AP4M1: variants seen among roughly 807,000 people sequenced by gnomAD.
The protein encoded by AP4M1 is adaptor related protein complex 4 subunit mu 1.
A neutral mutation model predicts 62.4 loss-of-function variants in AP4M1; 58 were observed. That is an observed-to-expected ratio of 0.93 (90% confidence interval 0.75 to 1.16). AP4M1 has a LOEUF of 1.16. AP4M1 is among the 50% of genes most tolerant of loss of function. The probability of loss-of-function intolerance (pLI) is 0.00; values close to 1 mark genes in which losing one functional copy is unlikely to be tolerated. For synonymous variants in AP4M1, 290 were observed against 239.7 expected (o/e 1.21, Z -1.94); for missense variants, 626 against 585.4 (o/e 1.07, Z -0.72).
At position 100,105,988 on chromosome 7, in the gene AP4M1, A is replaced by T; in HGVS notation, c.959A>T (p.Asp320Val). The T allele has an allele frequency of 6.2e-7, 1 of 1,614,066 alleles. No individual in the cohort carries two copies. Among genetic ancestry groups the T allele is most frequent in the South Asian group, 1.1e-5 (1 of 91,076 alleles). ...RLQVYLKLRC[D>V]LLSKSQALNV... ...CAGGTTTATCTAAAGTTGCGATGTGACCTGCTCTCAAAGAGGTAAGAGTGA... is the reference window on the plus strand; with the variant it reads ...CAGGTTTATCTAAAGTTGCGATGTGTCCTGCTCTCAAAGAGGTAAGAGTGA... The change falls in exon 12 of 15, where the codon GAC becomes GTC. Residue 320 changes from aspartate to valine, a missense_variant. Asp to Val is a radical substitution (Grantham distance 152). Transcript: ENST00000359593.
Position 100,107,674 on chromosome 7 carries a change from C to G in AP4M1, c.*792C>G, listed in dbSNP as rs763657555. 3.8e-6 allele frequency: 6 copies of G among 1,591,218 alleles called. No homozygotes were observed. Among genetic ancestry groups the G allele is most frequent in the Non-Finnish European group, 8.5e-7 (1 of 1,170,660 alleles). The stretch of plus-strand genomic sequence containing the variant: ...CTTGCCCTGTGCCCTCCCTGCCCCC[C>G]AGAGGCCTGGCGAGGACGCTTCACT... On this transcript the variant is annotated 3_prime_UTR_variant, in exon 15 of 15. Transcript: ENST00000359593.
Position 100,106,715 on chromosome 7 carries a change from C to A in AP4M1, c.1195C>A (p.Pro399Thr), listed in dbSNP as rs773269627. The change falls in exon 15 of 15, where the codon CCT becomes ACT. Residue 399 changes from proline (P) to threonine (T), a missense_variant. Pro to Thr is a conservative substitution (Grantham distance 38). Transcript: ENST00000359593. Reference protein sequence around the residue: ...PSHGLSTSASPLGLGPASLSF... With the variant: ...PSHGLSTSASTLGLGPASLSF... ...CCATGGGCTCTCCACCTCGGCCTCT[C>A]CTCTGGGGCTGGGCCCTGCCAGTCT... is the stretch of plus-strand genomic sequence containing the variant. The A allele has an allele frequency of 6.2e-7, 1 of 1,613,800 alleles. No individual in the cohort carries two copies. Among genetic ancestry groups the A allele is most frequent in the South Asian group, 1.1e-5 (1 of 91,088 alleles).
rs756663556 is a variant in AP4M1 at position 100,102,784 on chromosome 7, G to A, written c.254+3G>A. ...AGCCTCCTAGAACTGCTCTCCAGGTGAGGAGGGTTGGGCTGGGCACCTGGT... is the reference window on the plus strand; with the variant it reads ...AGCCTCCTAGAACTGCTCTCCAGGTAAGGAGGGTTGGGCTGGGCACCTGGT... On this transcript the variant is annotated splice_donor_region_variant and intron_variant, in intron 3 of 14. Transcript: ENST00000359593. 3.7e-6 allele frequency: 6 copies of A among 1,613,670 alleles called. No individual in the cohort carries two copies. The highest frequency in any genetic ancestry group is 1.3e-5 in the African/African-American group (1 of 74,910).
At position 100,101,653 on chromosome 7, in the gene AP4M1, G is replaced by T; in HGVS notation, c.-62G>T. On this transcript the variant is annotated 5_prime_UTR_variant, in exon 1 of 15. Transcript: ENST00000359593. ...CAGCGCACACGCGTTCTTTTGTTCCGGGGCCGCAGGGCGGGGCAGGCCCGA... is the reference window on the plus strand; with the variant it reads ...CAGCGCACACGCGTTCTTTTGTTCCTGGGCCGCAGGGCGGGGCAGGCCCGA... 1 of 1,506,404 alleles carries T rather than the reference G, an allele frequency of 6.6e-7. No individual in the cohort carries two copies. The highest frequency in any genetic ancestry group is 9.2e-7 in the Non-Finnish European group (1 of 1,083,626). 93.3% of individuals were successfully genotyped at this position (1,506,404 alleles called of 1,614,324 possible). A position where few individuals can be genotyped will look rare whatever the true frequency, so the allele number is the denominator to read the frequency against.
chr7:100,102,817 AG>A (rs780812001), intron 3 of AP4M1, 36 bp downstream of exon 3: 1 of 1,613,148 alleles, frequency 6.2e-7, no homozygotes, highest in South Asian at 1.1e-5. Flanking sequence ...GGTAGCTAGG[AG>A]GGGTCTGAGA....
rs1562917729 is a variant in AP4M1 at position 100,107,596 on chromosome 7, C to CG, written c.*719dup. 6.2e-7 allele frequency: 1 copy of CG among 1,613,212 alleles called. No individual in the cohort carries two copies. The highest frequency in any genetic ancestry group is 8.5e-7 in the Non-Finnish European group (1 of 1,179,830). Reference sequence around the variant, plus strand: ...GGCGAAGTGGTGGTGGAACCTGAGCCGGGGGCCGAGGTGCTGAGGGACAGG... The same window carrying CG: ...GGCGAAGTGGTGGTGGAACCTGAGCCGGGGGGCCGAGGTGCTGAGGGACAGG... On this transcript the variant is annotated 3_prime_UTR_variant, in exon 15 of 15. Coordinates refer to ENST00000359593, the MANE Select transcript of AP4M1 (RefSeq NM_004722.4).
rs368669160 is a variant in AP4M1, at chr7:100,106,226, C to T, written c.975-15C>T. On this transcript the variant is annotated splice_polypyrimidine_tract_variant and intron_variant, in intron 12 of 14. Transcript: ENST00000359593. ...TGCCTTCCTGGGGCTGACTTTGTTC[C>T]CGTCTCCTCTGTAGCCAAGCCCTCA... The T allele has an allele frequency of 1.4e-5, 22 of 1,613,968 alleles. 1 individual carries two copies. The highest frequency in any genetic ancestry group is 1.5e-5 in the Non-Finnish European group (18 of 1,180,016).
upstream of AP4M1, chr7:100,101,076 C>T: frequency 4.0e-6 from 3 of 750,156 alleles, no homozygotes; most frequent in South Asian, 3.6e-5. Context: ...TTTTCTTCAA[C>T]ATCGATGGCC....
intron 2 of AP4M1, 139 bp downstream of exon 2, chr7:100,102,107 G>C: frequency 1.0e-6 from 1 of 980,630 alleles, no homozygotes; most frequent in Non-Finnish European, 1.6e-6. Context: ...GAGGCCCGGC[G>C]CGGTGGCTCA....
At chr7:100,102,425 G>T in intron 2 of AP4M1, 1 of 438,864 alleles carries the variant, frequency 2.3e-6, no homozygotes, top group Non-Finnish European at 3.9e-6. Context: ...AAAAAAAAGA[G>T]TCAATGGGCG....
rs750012862 is a variant in AP4M1 at position 100,105,539 on chromosome 7, G to A, written c.929G>A (p.Arg310Gln). The A allele has an allele frequency of 8.7e-6, 14 of 1,612,158 alleles. No homozygotes were observed. In the East Asian group the frequency reaches 1.6e-4, roughly 18 times the overall value. Residue 310 changes from arginine to glutamine, a missense_variant and splice_region_variant, in exon 11 of 15, where the codon CGG becomes CAG. Physicochemically the swap from Arg to Gln is conservative, Grantham distance 43. Transcript: ENST00000359593. ...GTGCAGTGGGACCGAGGCTCAGGCC[G>A]GTGAGACAATTTCCTGGGTTCTAGA... Reference protein sequence around the residue: ...PSVQWDRGSGRLQVYLKLRCD... With the variant: ...PSVQWDRGSGQLQVYLKLRCD...
intron 2 of AP4M1, 107 bp from the exon 3 acceptor site, chr7:100,102,568 C>A: frequency 1.1e-6 from 1 of 915,022 alleles, no homozygotes; most frequent in Non-Finnish European, 1.8e-6. Flanking sequence ...AAAGGCACTG[C>A]TGTTGTGACT....
rs1284764577 is a variant in AP4M1 at position 100,103,523 on chromosome 7, A to G, written c.462+4A>G. ...TGACCTCAGCAGCGTTGGCTTGGTC[A>G]GTAGAGGGAAAGAGGAGGGTGAGGA... On this transcript the variant is annotated splice_donor_region_variant and intron_variant, in intron 5 of 14. Transcript: ENST00000359593. 1 of 1,613,994 alleles carries G rather than the reference A, an allele frequency of 6.2e-7. No homozygotes were observed. The highest frequency in any genetic ancestry group is 1.7e-5 in the Admixed American group (1 of 59,994).
rs776084375 is a variant in AP4M1, at chr7:100,102,891, T to C, written c.282T>C (p.Cys94=). The change falls in exon 4 of 15, where the codon TGT becomes TGC. Residue 94 remains cysteine, a synonymous_variant. Coordinates refer to ENST00000359593, the MANE Select transcript of AP4M1 (RefSeq NM_004722.4). The part of the protein sequence containing the change: ...SRLATLLGDY[C]GSLGEGTISR... ...TGGCCACCCTTCTGGGCGATTACTG[T>C]GGCTCCCTGGGCGAGGGGACCATCT... 6.2e-7 allele frequency: 1 copy of C among 1,614,110 alleles called. No homozygotes were observed. Among genetic ancestry groups the C allele is most frequent in the South Asian group, 1.1e-5 (1 of 91,082 alleles).
At position 100,107,933 on chromosome 7, in the gene AP4M1, G is replaced by A. The variant is rs767766029; in HGVS notation, c.*1051G>A. 1 of 1,609,620 alleles carries A rather than the reference G, an allele frequency of 6.2e-7. No individual in the cohort carries two copies. Among genetic ancestry groups the A allele is most frequent in the Non-Finnish European group, 8.5e-7 (1 of 1,177,336 alleles). On this transcript the variant is annotated 3_prime_UTR_variant, in exon 15 of 15. Transcript: ENST00000359593. ...TCCCACAGCTCTGCATACCTGCTGG[G>A]TGGATGGGGCGCTGGAGGACGATGA...
intron 2 of AP4M1, chr7:100,102,315 C>G (rs1475377142): frequency 1.9e-6 from 1 of 523,530 alleles, no homozygotes; most frequent in African/African-American, 1.9e-5. Flanking sequence ...CGCTTGAATC[C>G]AAGAGGCAGA....
intron 6 of AP4M1, 27 bp from the exon 7 acceptor site, chr7:100,104,065 A>G (rs1796276315): frequency 5.0e-6 from 8 of 1,611,364 alleles, no homozygotes; most frequent in East Asian, 2.2e-5. Flanking sequence ...TCTGCTTCCA[A>G]CCACCCAAAT....
At chr7:100,105,687 C>T in intron 11 of AP4M1, 148 bp downstream of exon 11, 2 of 907,878 alleles carry the variant, frequency 2.2e-6, no homozygotes, top group Non-Finnish European at 3.5e-6. Flanking sequence ...TGGCTCACAC[C>T]TGTAATCCTA....
intron 2 of AP4M1, chr7:100,102,174 A>T: frequency 1.6e-6 from 1 of 644,466 alleles, no homozygotes; most frequent in East Asian, 2.8e-5. Flanking sequence ...TGAGGTCAGG[A>T]GTTCGAAATC....
Sources: allele counts gnomAD v4.1 joint callset, GRCh38; gene constraint gnomAD v4.1.1; transcripts MANE v1.5; gene names NCBI Gene and HGNC (gene_info 2026-07-23, HGNC 2026-07-21).